Variants in MAGI2 observed in about 807,000 individuals in gnomAD.
MAGI2 encodes membrane-associated guanylate kinase, WW and PDZ domain-containing protein 2.
Under a neutral mutation model 133.3 loss-of-function variants are expected in MAGI2, and 35 were observed. That is an observed-to-expected ratio of 0.26 (90% CI 0.20 to 0.35). The LOEUF is 0.35. Ranked by LOEUF, MAGI2 falls within the 10% of genes least tolerant of loss-of-function variation. MAGI2 has a pLI of 1.00. For missense variants in MAGI2, 1,636 were observed against 1,863.4 expected, an observed-to-expected ratio of 0.88 and a Z score of 2.25; for synonymous variants, 729 against 710.6, an observed-to-expected ratio of 1.03 and a Z score of -0.41.
intron 16 of MAGI2, among the ~76,000 whole-genome samples, chr7:78,152,696 G>C (rs917619887): frequency 6.6e-6 from 1 of 152,022 alleles, no homozygotes; most frequent in Non-Finnish European, 1.5e-5. Flanking sequence ...GCTTATCTTC[G>C]GCTTCAATTA....
chr7:79,049,773 CAT>C (rs1308220867), intron 1 of MAGI2, among the ~76,000 whole-genome samples: 1 of 149,144 alleles, frequency 6.7e-6, no homozygotes, highest in Non-Finnish European at 1.5e-5. Flanking sequence ...TGATAACACT[CAT>C]ATGTAGAATT....
chr7:78,970,979 G>A (rs529126831), intron 2 of MAGI2, among the ~76,000 whole-genome samples: 5 of 152,078 alleles, frequency 3.3e-5, no homozygotes, highest in African/African-American at 1.2e-4. Context: ...TTGGGGTCTC[G>A]TACTTTCCAA....
intron 20 of MAGI2, among the ~76,000 whole-genome samples, chr7:78,091,384 A>G (rs1453612836): frequency 6.6e-6 from 1 of 152,140 alleles, no homozygotes; most frequent in Non-Finnish European, 1.5e-5. Flanking sequence ...TATACCAGAT[A>G]TTGGTGCCTT....
intron 1 of MAGI2, among the ~76,000 whole-genome samples, chr7:79,184,915 A>G (rs1826945848): frequency 1.3e-5 from 2 of 151,732 alleles, no homozygotes; most frequent in African/African-American, 4.9e-5. Context: ...TAAAAAAACA[A>G]AAAAACAGGA....
At chr7:78,479,656 T>C (rs554168081) in intron 6 of MAGI2, among the ~76,000 whole-genome samples, 3 of 152,024 alleles carry the variant, frequency 2.0e-5, no homozygotes, top group African/African-American at 7.2e-5. Context: ...TTGGCTAAAA[T>C]GATAGATTTT....
At chr7:79,221,746 AAACTT>A (rs1488994097) in intron 1 of MAGI2, among the ~76,000 whole-genome samples, 6 of 152,032 alleles carry the variant, frequency 3.9e-5, no homozygotes, top group Admixed American at 2.0e-4. Flanking sequence ...TATGTTATGA[AAACTT>A]AATTTTATAG....
intron 2 of MAGI2, among the ~76,000 whole-genome samples, chr7:78,993,560 G>A (rs1271690049): frequency 6.6e-6 from 1 of 152,002 alleles, no homozygotes; most frequent in Admixed American, 6.6e-5. Context: ...CACAGTAGCA[G>A]TTTCTCAATT....
chr7:78,163,470 G>A lies in MAGI2; in HGVS notation c.2597-3197C>T, dbSNP rs114005407. 6.7e-3 allele frequency among the ~76,000 whole-genome samples: 1,012 copies of A among 152,108 alleles called. 16 individuals are homozygous for A. The highest frequency in any genetic ancestry group is 0.023 in the African/African-American group (946 of 41,492). ...ATTAGTTTTTAGGGTAAGCTGTTTC[G>A]TCTCCACCAGTCACAGTGGAACTCA... On this transcript the variant is annotated intron_variant, in intron 15 of 21. Transcript: ENST00000354212.
In MAGI2 at chr7:78,243,567, C is replaced by G. The variant is rs1563316991; in HGVS notation, c.2047+12376G>C. ...GGTTCTTAATTTTCTGCTTTTCACT[C>G]AAAGCTATGATATAGTCTATGATAC... On this transcript the variant is annotated intron_variant, in intron 10 of 21. Coordinates refer to ENST00000354212, the MANE Select transcript of MAGI2 (RefSeq NM_012301.4). 4.6e-5 allele frequency among the ~76,000 whole-genome samples: 7 copies of G among 152,012 alleles called. No homozygotes were observed. In the South Asian group the frequency reaches 1.5e-3, roughly 32 times the overall value.
chr7:79,417,156 G>T (rs1317327257), intron 1 of MAGI2, among the ~76,000 whole-genome samples: 1 of 152,098 alleles, frequency 6.6e-6, no homozygotes, highest in African/African-American at 2.4e-5. Flanking sequence ...TGTCTGACTT[G>T]CACAAATAAG....
intron 2 of MAGI2, among the ~76,000 whole-genome samples, chr7:78,962,162 T>G (rs1802902561): frequency 1.3e-5 from 2 of 152,100 alleles, no homozygotes. Context: ...CACTCCTAGT[T>G]TTCTATCTGG....
At chr7:78,947,724 T>C (rs931872423) in intron 2 of MAGI2, among the ~76,000 whole-genome samples, 7 of 152,110 alleles carry the variant, frequency 4.6e-5, no homozygotes, top group Non-Finnish European at 8.8e-5. Context: ...AATTACAGAA[T>C]TGACTTCAGG....
chr7:78,528,866 T>C (rs1339433185), intron 3 of MAGI2, among the ~76,000 whole-genome samples: 1 of 152,186 alleles, frequency 6.6e-6, no homozygotes, highest in Non-Finnish European at 1.5e-5. Context: ...AAGAAAAATA[T>C]ACCAAATAGC....
In MAGI2 at chr7:78,178,008, T is replaced by C. The variant is rs770234659; in HGVS notation, c.2403+3A>G. The C allele has an allele frequency of 6.2e-7, 1 of 1,606,506 alleles. No homozygotes were observed. The highest frequency in any genetic ancestry group is 1.1e-5 in the South Asian group (1 of 90,894). On this transcript the variant is annotated splice_donor_region_variant and intron_variant, in intron 14 of 21. Transcript: ENST00000354212. The stretch of plus-strand genomic sequence containing the variant: ...GCATGGAAATAAAGAAGATTCAACT[T>C]ACAGGCTGTCCAGGCTCATCTCCCC...
At chr7:79,262,537 A>G (rs1834161017) in intron 1 of MAGI2, among the ~76,000 whole-genome samples, 2 of 152,228 alleles carry the variant, frequency 1.3e-5, no homozygotes, top group Admixed American at 6.5e-5. Flanking sequence ...TTTACTTATC[A>G]ACATTTTAAA....
At chr7:78,400,659 T>C (rs1796775477) in intron 6 of MAGI2, among the ~76,000 whole-genome samples, 1 of 152,214 alleles carries the variant, frequency 6.6e-6, no homozygotes. Context: ...ATGAGCAGCG[T>C]TAATTCTGAG....
intron 6 of MAGI2, among the ~76,000 whole-genome samples, chr7:78,370,827 A>G (rs1793841184): frequency 6.6e-6 from 1 of 152,008 alleles, no homozygotes; most frequent in African/African-American, 2.4e-5. Flanking sequence ...AAAGCAGTTT[A>G]TAATTGAACA....
intron 10 of MAGI2, among the ~76,000 whole-genome samples, chr7:78,217,516 TG>T (rs1229445682): frequency 6.6e-6 from 1 of 152,238 alleles, no homozygotes; most frequent in Admixed American, 6.5e-5. Context: ...ATGGCAATTT[TG>T]GATATATTGT....
chr7:78,668,937 T>A (rs1813981387), intron 2 of MAGI2, among the ~76,000 whole-genome samples: 1 of 151,960 alleles, frequency 6.6e-6, no homozygotes, highest in South Asian at 2.1e-4. Flanking sequence ...AGAGGGAAAT[T>A]TATAGCACTA....
Sources: allele counts gnomAD v4.1 joint callset (sites outside exome capture counted in the v4.1 genomes callset), GRCh38; gene constraint gnomAD v4.1.1; transcripts MANE v1.5; gene names NCBI Gene and HGNC (gene_info 2026-07-23, HGNC 2026-07-21).